GRID2: variants seen among roughly 807,000 people sequenced by gnomAD.
GRID2 encodes the protein glutamate ionotropic receptor delta type subunit 2, also known as glutamate receptor ionotropic, delta-2.
Under a neutral mutation model 114.8 loss-of-function variants are expected in GRID2, and 33 were observed. The observed-to-expected ratio is 0.29, with a 90% CI of 0.22 to 0.38. The LOEUF is 0.38. GRID2 is among the 10% of genes least tolerant of loss of function. The pLI is 1.00. For missense variants in GRID2, 1,184 were observed against 1,257.7 expected (o/e 0.94, Z 0.89); for synonymous variants, 505 against 449.9 (o/e 1.12, Z -1.55).
At chr4:93,013,874 A>G (rs1057183074) in intron 2 of GRID2, among the ~76,000 whole-genome samples, 5 of 151,996 alleles carry the variant, frequency 3.3e-5, no homozygotes, top group Non-Finnish European at 5.9e-5. Flanking sequence ...CTAGTATTTT[A>G]TAAAGCATAT....
intron 1 of GRID2, among the ~76,000 whole-genome samples, chr4:92,467,740 CAT>C (rs1434508203): frequency 2.6e-5 from 4 of 151,748 alleles, no homozygotes; most frequent in African/African-American, 9.7e-5. Context: ...AATGTGTACA[CAT>C]GTTATGGAAA....
At chr4:92,727,260 T>C (rs937317668) in intron 2 of GRID2, among the ~76,000 whole-genome samples, 1 of 152,040 alleles carries the variant, frequency 6.6e-6, no homozygotes, top group African/African-American at 2.4e-5. Context: ...CAAAATGGTG[T>C]TTTAAAGTGT....
At chr4:93,422,238 A>G (rs1768359832) in intron 9 of GRID2, among the ~76,000 whole-genome samples, 2 of 152,198 alleles carry the variant, frequency 1.3e-5, no homozygotes, top group Non-Finnish European at 2.9e-5. Flanking sequence ...TTTTCCAATG[A>G]AATGTGTGTT....
chr4:92,845,237 T>G (rs555546038), intron 2 of GRID2, among the ~76,000 whole-genome samples: 6 of 152,244 alleles, frequency 3.9e-5, no homozygotes, highest in African/African-American at 1.4e-4. Flanking sequence ...AAACTCTTTT[T>G]ATTCTCTTGG....
intron 2 of GRID2, among the ~76,000 whole-genome samples, chr4:93,055,782 C>A (rs1055208818): frequency 6.6e-6 from 1 of 151,890 alleles, no homozygotes; most frequent in African/African-American, 2.4e-5. Context: ...GTAGCATGAT[C>A]TTAGGACTTT....
At chr4:92,640,905 T>G (rs1731309596) in intron 2 of GRID2, among the ~76,000 whole-genome samples, 1 of 151,922 alleles carries the variant, frequency 6.6e-6, no homozygotes, top group African/African-American at 2.4e-5. Context: ...TGTGAATAAC[T>G]TTAATACTCT....
At chr4:92,377,714 G>A (rs1479679400) in intron 1 of GRID2, among the ~76,000 whole-genome samples, 1 of 152,158 alleles carries the variant, frequency 6.6e-6, no homozygotes, top group East Asian at 1.9e-4. Context: ...GCAAGGAGGA[G>A]CAAGTCGTGT....
At chr4:92,643,279 C>A (rs1425780899) in intron 2 of GRID2, among the ~76,000 whole-genome samples, 1 of 151,592 alleles carries the variant, frequency 6.6e-6, no homozygotes, top group Non-Finnish European at 1.5e-5. Flanking sequence ...ATTTATTTCA[C>A]CAGTGTTTTA....
At chr4:93,803,279 A>G (rs1000393113) in intron 1 of GRID2, among the ~76,000 whole-genome samples, 1 of 152,248 alleles carries the variant, frequency 6.6e-6, no homozygotes, top group Admixed American at 6.5e-5. Flanking sequence ...ATAAAATTAT[A>G]TCATTTCAAT....
chr4:92,814,040 T>A (rs1469071127), intron 2 of GRID2, among the ~76,000 whole-genome samples: 1 of 152,114 alleles, frequency 6.6e-6, no homozygotes, highest in African/African-American at 2.4e-5. Flanking sequence ...TGAAAAAAAA[T>A]GTCCTCTATC....
At chr4:93,767,496 G>A (rs538674514) in intron 14 of GRID2, among the ~76,000 whole-genome samples, 1 of 152,214 alleles carries the variant, frequency 6.6e-6, no homozygotes, top group South Asian at 2.1e-4. Flanking sequence ...AGGAAGCAAG[G>A]AGAAAAGGTC....
chr4:93,727,250 G>A (rs1730004689), intron 14 of GRID2, among the ~76,000 whole-genome samples: 1 of 152,104 alleles, frequency 6.6e-6, no homozygotes, highest in Non-Finnish European at 1.5e-5. Context: ...TAATCATGTG[G>A]TTTTTGTTTT....
At chr4:92,828,757 C>T (rs916451173) in intron 2 of GRID2, among the ~76,000 whole-genome samples, 2 of 151,958 alleles carry the variant, frequency 1.3e-5, no homozygotes, top group African/African-American at 4.8e-5. Flanking sequence ...AATTTGCTAG[C>T]TTTTTTTATG....
At chr4:93,588,456 A>G (rs949360931) in intron 13 of GRID2, among the ~76,000 whole-genome samples, 19 of 152,316 alleles carry the variant, frequency 1.2e-4, no homozygotes, top group South Asian at 2.1e-4. Context: ...GTCGATCACC[A>G]GTGTTTCTGT....
chr4:92,370,002 C>T (rs1729046693), intron 1 of GRID2, among the ~76,000 whole-genome samples: 1 of 151,956 alleles, frequency 6.6e-6, no homozygotes, highest in South Asian at 2.1e-4. Flanking sequence ...TTGCACTTTA[C>T]AGTTATTGTG....
chr4:92,702,881 A>G (rs1734752711), intron 2 of GRID2, among the ~76,000 whole-genome samples: 1 of 152,090 alleles, frequency 6.6e-6, no homozygotes, highest in African/African-American at 2.4e-5. Flanking sequence ...CTAAAATTCA[A>G]GTACTCTCCC....
Position 93,473,665 on chromosome 4 carries a change from A to G in GRID2, c.1859-16974A>G, listed in dbSNP as rs1170321378. ...ACTGAAATTTAGCTCAAACCTTTAT[A>G]TGTGTATTGTTGGTGTTTATAAAGG... On this transcript the variant is annotated intron_variant, in intron 11 of 15. Coordinates refer to ENST00000282020, the MANE Select transcript of GRID2 (RefSeq NM_001510.4). Among the ~76,000 whole-genome samples the G allele has an allele frequency of 3.3e-5, 5 of 152,278 alleles. No individual in the cohort carries two copies. The East Asian group carries it at 9.6e-4, about 29-fold the overall frequency.
intron 2 of GRID2, among the ~76,000 whole-genome samples, chr4:92,683,158 G>T (rs1247606812): frequency 6.6e-6 from 1 of 152,024 alleles, no homozygotes; most frequent in Non-Finnish European, 1.5e-5. Context: ...ACTTAGCTGG[G>T]CGTGGTGGCG....
chr4:92,461,152 G>A (rs1721473831), intron 1 of GRID2, among the ~76,000 whole-genome samples: 1 of 151,574 alleles, frequency 6.6e-6, no homozygotes, highest in Non-Finnish European at 1.5e-5. Context: ...AGTGTTTAAA[G>A]TAAAATATTT....
Sources: gnomAD v4.1 joint callset for allele counts (sites outside exome capture counted in the v4.1 genomes callset) on GRCh38, gnomAD v4.1.1 for gene constraint, MANE v1.5 for transcripts, NCBI Gene and HGNC (gene_info 2026-07-23, HGNC 2026-07-21) for gene names.